The following DNAH11 variants were observed in gnomAD, a reference collection of about 807,000 sequenced individuals.
DNAH11 encodes dynein axonemal heavy chain 11, also known as axonemal beta dynein heavy chain 11.
In DNAH11, 442 loss-of-function variants were observed where a neutral mutation model predicts 526.0. That is an observed-to-expected ratio of 0.84 (90% CI 0.78 to 0.91). The LOEUF (loss-of-function observed/expected upper bound fraction) is 0.91. Among genes scored for constraint, DNAH11 ranks in the 40% least tolerant of loss-of-function variants. DNAH11 has a pLI of 0.00. For synonymous variants in DNAH11, 2,461 were observed against 1,935.9 expected, an observed-to-expected ratio of 1.27 and a Z score of -7.12; for missense variants, 6,989 against 5,448.7, an observed-to-expected ratio of 1.28 and a Z score of -8.90.
At chr7:21,752,853 C>T (rs1172003692) in intron 54 of DNAH11, among the ~76,000 whole-genome samples, 1 of 152,082 alleles carries the variant, frequency 6.6e-6, no homozygotes, top group East Asian at 1.9e-4. Flanking sequence ...GCTGGGATTA[C>T]GGGTGCCTGC....
intron 65 of DNAH11, among the ~76,000 whole-genome samples, chr7:21,825,959 CAAAAA>C (rs56255077): frequency 8.8e-5 from 6 of 68,300 alleles, no homozygotes; most frequent in African/African-American, 3.1e-4. Context: ...ACTCTGTCTC[CAAAAA>C]AAAAAAAAAA....
chr7:21,564,107 C>G (rs1271037655), intron 5 of DNAH11, 79 bp from the exon 6 acceptor site: 4 of 1,071,942 alleles, frequency 3.7e-6, no homozygotes, highest in Middle Eastern at 2.3e-4. Context: ...TTACGTGGCT[C>G]TCTTCTACAT....
At chr7:21,628,669 T>A (rs959378614) in intron 25 of DNAH11, among the ~76,000 whole-genome samples, 1 of 152,114 alleles carries the variant, frequency 6.6e-6, no homozygotes, top group South Asian at 2.1e-4. Flanking sequence ...GAGTTTTTAA[T>A]GTATTGTTGA....
At chr7:21,773,341 CT>C (rs200549631) in intron 55 of DNAH11, among the ~76,000 whole-genome samples, 1,967 of 126,352 alleles carry the variant, frequency 0.016, 26 homozygotes, top group Admixed American at 0.048. Flanking sequence ...TAAGTTTTGG[CT>C]TTTTTTTTTT....
intron 2 of DNAH11, among the ~76,000 whole-genome samples, chr7:21,548,007 G>C (rs1278571149): frequency 1.3e-5 from 2 of 152,150 alleles, no homozygotes; most frequent in African/African-American, 2.4e-5. Context: ...ACATCCCATT[G>C]CTGTTAAGAC....
At chr7:21,708,952 T>G (rs1297148649) in intron 40 of DNAH11, among the ~76,000 whole-genome samples, 1 of 152,204 alleles carries the variant, frequency 6.6e-6, no homozygotes, top group Non-Finnish European at 1.5e-5. Flanking sequence ...GGTGAGGCTG[T>G]GGAGAAAAGG....
In DNAH11 at chr7:21,594,338, A is replaced by G. The variant is rs868829760; in HGVS notation, c.2667+2761A>G. 1.6e-4 allele frequency among the ~76,000 whole-genome samples: 24 copies of G among 152,148 alleles called. 1 individual carries two copies. The highest frequency in any genetic ancestry group is 5.6e-4 in the African/African-American group (23 of 41,434). ...CCATCATCATTCACTTATTTGAGAA[A>G]TATTTATTGTGAGCATTGTGTGTAC... On this transcript the variant is annotated intron_variant, in intron 14 of 81. Transcript: ENST00000409508.
Position 21,723,799 on chromosome 7 carries a change from C to G in DNAH11, c.7267-2012C>G, listed in dbSNP as rs1784974011. Among the ~76,000 whole-genome samples the G allele has an allele frequency of 3.0e-5, 4 of 133,164 alleles. No individual in the cohort carries two copies. The South Asian group carries it at 1.1e-3, about 35-fold the overall frequency. The allele number at this position is 133,164 out of a possible 152,430, so 87.4% of individuals were successfully genotyped here. On this transcript the variant is annotated intron_variant, in intron 44 of 81. Coordinates refer to ENST00000409508, the MANE Select transcript of DNAH11 (RefSeq NM_001277115.2). ...GTTTCTTGAGCACACCAAGTTCTTT[C>G]ATACCACAGGAACTTTGTACATGCT...
intron 2 of DNAH11, among the ~76,000 whole-genome samples, chr7:21,556,921 C>A (rs921258910): frequency 1.4e-4 from 21 of 152,112 alleles, no homozygotes; most frequent in African/African-American, 4.1e-4. Flanking sequence ...ACTAGCTGGG[C>A]ATGGTGGCAC....
rs1380369039 is a variant in DNAH11, at chr7:21,683,891, C to A, written c.5568C>A (p.Phe1856Leu). Residue 1856 changes from phenylalanine (F) to leucine (L), a missense_variant, in exon 32 of 82, where the codon TTC (phenylalanine) becomes TTA (leucine). By Grantham distance (22) the Phe-to-Leu change is conservative. Transcript: ENST00000409508. ...TTTGTGATGCCCAGTTCCAGTACTTCTATGAATACTTAGGAAACAGCCCTC... is the reference window on the plus strand; with the variant it reads ...TTTGTGATGCCCAGTTCCAGTACTTATATGAATACTTAGGAAACAGCCCTC... ...VNICDAQFQY[F>L]YEYLGNSPRL... The A allele has an allele frequency of 1.2e-6, 2 of 1,613,758 alleles. No individual in the cohort carries two copies. Among genetic ancestry groups the A allele is most frequent in the South Asian group, 1.1e-5 (1 of 91,046 alleles).
intron 45 of DNAH11, among the ~76,000 whole-genome samples, chr7:21,728,395 C>T (rs1441786195): frequency 1.3e-5 from 2 of 151,520 alleles, no homozygotes; most frequent in South Asian, 2.1e-4. Flanking sequence ...GTAGATGGGA[C>T]TACAGGCAAC....
chr7:21,824,440 T>A (rs1177899764), intron 65 of DNAH11, among the ~76,000 whole-genome samples: 1 of 152,066 alleles, frequency 6.6e-6, no homozygotes, highest in Non-Finnish European at 1.5e-5. Flanking sequence ...TTTAATAACA[T>A]ACATAAAATA....
chr7:21,576,809 A>G (rs897965335), intron 8 of DNAH11, among the ~76,000 whole-genome samples: 3 of 152,254 alleles, frequency 2.0e-5, no homozygotes, highest in Admixed American at 6.5e-5. Flanking sequence ...TATGATGTTT[A>G]TAACAAAAGT....
At chr7:21,585,746 G>A (rs570306826) in intron 9 of DNAH11, among the ~76,000 whole-genome samples, 46 of 152,248 alleles carry the variant, frequency 3.0e-4, no homozygotes, top group African/African-American at 7.9e-4. Context: ...TGAAAGAGGC[G>A]CACCTAGGAA....
At position 21,626,624 on chromosome 7, in the gene DNAH11, T is replaced by C. The variant is rs143968432; in HGVS notation, c.4500+6546T>C. Among the ~76,000 whole-genome samples, 607 of 152,250 alleles carry C rather than the reference T, an allele frequency of 4.0e-3. 8 individuals are homozygous for C. Among genetic ancestry groups the C allele is most frequent in the Non-Finnish European group, 7.4e-3 (506 of 68,004 alleles). On this transcript the variant is annotated intron_variant, in intron 25 of 81. Transcript: ENST00000409508. ...TGCCAGCAGCATCCATTTTTGCCTA[T>C]CTTTCTGGTAAAAGCCATTTAACTG...
intron 61 of DNAH11, among the ~76,000 whole-genome samples, chr7:21,797,926 T>C (rs13221195): frequency 0.2 from 30,992 of 152,216 alleles, 3,791 homozygotes; most frequent in Admixed American, 0.35. Flanking sequence ...GAATGTGCTG[T>C]GCCATATTTT....
chr7:21,742,097 T>C lies in DNAH11; in HGVS notation c.8085T>C (p.Cys2695=). The change falls in exon 49 of 82, where the codon TGT becomes TGC. Residue 2695 remains cysteine (C), a synonymous_variant. Transcript: ENST00000409508. ...ATIAFHQTMM[C]NFLPTAIKFH... is the part of the protein sequence containing the mutation. ...TAGCATTCCATCAGACAATGATGTGTAACTTTTTACCCACGGCTATTAAAT... is the reference window on the plus strand; with the variant it reads ...TAGCATTCCATCAGACAATGATGTGCAACTTTTTACCCACGGCTATTAAAT... 1 of 1,613,932 alleles carries C rather than the reference T, an allele frequency of 6.2e-7. No individual in the cohort carries two copies.
At chr7:21,655,810 T>G (rs1442181835) in intron 28 of DNAH11, 22 bp from the exon 29 acceptor site, 5 of 1,604,446 alleles carry the variant, frequency 3.1e-6, no homozygotes, top group Middle Eastern at 1.6e-4. Context: ...TGTTCTTATC[T>G]TTTCTAATAT....
At chr7:21,598,430 C>A (rs1784946555) in intron 14 of DNAH11, among the ~76,000 whole-genome samples, 1 of 152,120 alleles carries the variant, frequency 6.6e-6, no homozygotes, top group Non-Finnish European at 1.5e-5. Flanking sequence ...TATTTTGCCC[C>A]AACTGGCTTG....
Sources: gnomAD v4.1 joint callset for allele counts (sites outside exome capture counted in the v4.1 genomes callset) on GRCh38, gnomAD v4.1.1 for gene constraint, MANE v1.5 for transcripts, NCBI Gene and HGNC (gene_info 2026-07-23, HGNC 2026-07-21) for gene names.